SHB: variants seen among roughly 807,000 people sequenced by gnomAD.
The protein encoded by SHB is SH2 domain containing adaptor protein B.
A neutral mutation model predicts 52.3 loss-of-function variants in SHB; 20 were observed. That is an observed-to-expected ratio of 0.38 (90% confidence interval 0.27 to 0.56). The LOEUF (loss-of-function observed/expected upper bound fraction) is 0.56. Ranked by LOEUF, SHB falls within the 20% of genes least tolerant of loss-of-function variation. SHB has a pLI of 0.71. For synonymous variants in SHB, 397 were observed against 316.5 expected (o/e 1.25, Z -2.70); for missense variants, 825 against 723.3 (o/e 1.14, Z -1.61).
intron 1 of SHB, among the ~76,000 whole-genome samples, chr9:38,054,353 T>G (rs1299947262): frequency 6.6e-6 from 1 of 152,234 alleles, no homozygotes; most frequent in African/African-American, 2.4e-5. Flanking sequence ...ACTTGCTACC[T>G]ACTCCTCTGG....
chr9:38,015,685 T>C (rs1821200764), intron 2 of SHB, among the ~76,000 whole-genome samples: 1 of 152,254 alleles, frequency 6.6e-6, no homozygotes, highest in African/African-American at 2.4e-5. Context: ...TCAAATGCTA[T>C]CTTTCTTCAC....
intron 2 of SHB, among the ~76,000 whole-genome samples, chr9:37,977,221 C>T (rs1329992225): frequency 1.3e-5 from 2 of 152,118 alleles, no homozygotes; most frequent in African/African-American, 4.8e-5. Context: ...AGATACTAAG[C>T]AGAATGAATA....
At chr9:37,937,463 TAAG>T (rs925508441) in intron 5 of SHB, among the ~76,000 whole-genome samples, 108 of 141,126 alleles carry the variant, frequency 7.7e-4, no homozygotes, top group African/African-American at 2.8e-3. Flanking sequence ...TTTAAAAAGA[TAAG>T]AAAAAAAAAA....
chr9:38,061,723 C>T (rs965079504), intron 1 of SHB, among the ~76,000 whole-genome samples: 1 of 152,218 alleles, frequency 6.6e-6, no homozygotes, highest in Admixed American at 6.5e-5. Context: ...TTAGAGAGGA[C>T]AGTCACCTGA....
chr9:37,963,754 A>C (rs2117937769), intron 3 of SHB, among the ~76,000 whole-genome samples: 1 of 152,226 alleles, frequency 6.6e-6, no homozygotes, highest in South Asian at 2.1e-4. Flanking sequence ...GGTAGGGTGG[A>C]CTACATGACC....
chr9:38,003,783 C>T lies in SHB; in HGVS notation c.838+12228G>A, dbSNP rs369790971. On this transcript the variant is annotated intron_variant, in intron 2 of 5. Coordinates refer to ENST00000377707, the MANE Select transcript of SHB (RefSeq NM_003028.3). The stretch of plus-strand genomic sequence containing the variant: ...GCACTAACCCTTCCCCCAGTAAAGA[C>T]TCACTCAGCAGAAACAGTTCTCCGT... Among the ~76,000 whole-genome samples, 29 of 152,342 alleles carry T rather than the reference C, an allele frequency of 1.9e-4. No individual in the cohort carries two copies. In the South Asian group the frequency reaches 5.8e-3, roughly 30 times the overall value.
Position 38,016,074 on chromosome 9 carries a change from T to G in SHB, c.775A>C (p.Lys259Gln), listed in dbSNP as rs1377905386. The G allele has an allele frequency of 6.2e-7, 1 of 1,614,188 alleles. No homozygotes were observed. Among genetic ancestry groups the G allele is most frequent in the South Asian group, 1.1e-5 (1 of 91,090 alleles). Residue 259 changes from lysine (K) to glutamine (Q), a missense_variant, in exon 2 of 6, where the codon AAA becomes CAA. Lys to Gln is a moderately conservative substitution (Grantham distance 53). Coordinates refer to ENST00000377707, the MANE Select transcript of SHB (RefSeq NM_003028.3). Reference protein sequence around the residue: ...PFDAKNDLKSKAGKGESAGYM... With the variant: ...PFDAKNDLKSQAGKGESAGYM... ...CCAGCACTCTCCCCCTTTCCTGCTT[T>G]GCTCTTGAGATCATTCTTGGCATCA...
rs141290627 is a variant in SHB at position 37,976,129 on chromosome 9, G to A, written c.839-1292C>T. The stretch of plus-strand genomic sequence containing the variant: ...CGGCTCACTGCAAACTCTGGCTCCC[G>A]GGTTTACACGATTCTTGTGTCTCAG... On this transcript the variant is annotated intron_variant, in intron 2 of 5. Transcript: ENST00000377707. 4.4e-3 allele frequency among the ~76,000 whole-genome samples: 663 copies of A among 152,214 alleles called. 7 individuals are homozygous for A. Among genetic ancestry groups the A allele is most frequent in the African/African-American group, 0.015 (640 of 41,520 alleles).
chr9:38,017,839 C>T (rs1245009059), intron 1 of SHB, among the ~76,000 whole-genome samples: 1 of 151,822 alleles, frequency 6.6e-6, no homozygotes, highest in African/African-American at 2.4e-5. Context: ...AGAGCTAGGC[C>T]TTGCAATGTC....
chr9:37,977,794 T>C (rs1355543116), intron 2 of SHB, among the ~76,000 whole-genome samples: 1 of 152,194 alleles, frequency 6.6e-6, no homozygotes, highest in Admixed American at 6.5e-5. Flanking sequence ...ATACGGCAGC[T>C]GAGAAGGCAC....
intron 2 of SHB, among the ~76,000 whole-genome samples, chr9:37,999,089 G>T (rs1180022112): frequency 2.0e-5 from 3 of 152,226 alleles, no homozygotes; most frequent in Admixed American, 1.3e-4. Flanking sequence ...AAGCAAGTGG[G>T]TGATGGGGTG....
At chr9:38,060,350 T>G (rs1008628827) in intron 1 of SHB, among the ~76,000 whole-genome samples, 4 of 152,116 alleles carry the variant, frequency 2.6e-5, no homozygotes, top group African/African-American at 9.7e-5. Context: ...AATTTTTGTA[T>G]TTTTAATAGA....
At chr9:37,994,248 A>C (rs909591080) in intron 2 of SHB, among the ~76,000 whole-genome samples, 8 of 152,198 alleles carry the variant, frequency 5.3e-5, no homozygotes, top group African/African-American at 1.9e-4. Context: ...AAATCCTCCA[A>C]CTTCTCTCTG....
At chr9:38,049,082 G>C (rs1405456150) in intron 1 of SHB, among the ~76,000 whole-genome samples, 1 of 152,160 alleles carries the variant, frequency 6.6e-6, no homozygotes, top group Middle Eastern at 3.2e-3. Flanking sequence ...GTGCAGTAGC[G>C]CCATCTCGGC....
At chr9:38,016,927 A>G (rs73437977) in intron 1 of SHB, among the ~76,000 whole-genome samples, 7,461 of 152,280 alleles carry the variant, frequency 0.049, 420 homozygotes, top group African/African-American at 0.14. Context: ...AAAATTCTCC[A>G]ACTCACAGAC....
At chr9:37,964,971 A>G (rs1044330257) in intron 3 of SHB, among the ~76,000 whole-genome samples, 13 of 152,354 alleles carry the variant, frequency 8.5e-5, no homozygotes, top group Middle Eastern at 3.4e-3. Flanking sequence ...CGTCTGATAC[A>G]GTATGTCTCC....
At chr9:37,974,248 C>T (rs1240674868) in intron 3 of SHB, among the ~76,000 whole-genome samples, 2 of 152,104 alleles carry the variant, frequency 1.3e-5, no homozygotes, top group Non-Finnish European at 2.9e-5. Flanking sequence ...AAGAGCGAAA[C>T]TCTGTCTCAA....
intron 3 of SHB, among the ~76,000 whole-genome samples, chr9:37,963,042 G>A (rs1052260057): frequency 6.6e-6 from 1 of 152,212 alleles, no homozygotes. Flanking sequence ...TCTGCTTTGG[G>A]ACTGCAGCCC....
chr9:37,975,077 C>G lies in SHB; in HGVS notation c.839-240G>C, dbSNP rs538059908. Reference sequence around the variant, plus strand: ...GCAGGCCTAATGACAGCCCTGCCTCCATCCACTCATGAATCTCAGGCTTAA... The same window carrying G: ...GCAGGCCTAATGACAGCCCTGCCTCGATCCACTCATGAATCTCAGGCTTAA... On this transcript the variant is annotated intron_variant, in intron 2 of 5. Transcript: ENST00000377707. Among the ~76,000 whole-genome samples, 3 of 152,224 alleles carry G rather than the reference C, an allele frequency of 2.0e-5. No homozygotes were observed. In the South Asian group the frequency reaches 6.2e-4, roughly 32 times the overall value.
Sources: allele counts gnomAD v4.1 joint callset (sites outside exome capture counted in the v4.1 genomes callset), GRCh38; gene constraint gnomAD v4.1.1; transcripts MANE v1.5; gene names NCBI Gene and HGNC (gene_info 2026-07-23, HGNC 2026-07-21).